SAXO5: variants seen among roughly 807,000 people sequenced by gnomAD.
The protein encoded by SAXO5 is stabilizer of axonemal microtubules 5.
the SAXO5 span, chr19:7,501,246 C>T: frequency 4.5e-6 from 7 of 1,565,424 alleles, no homozygotes; most frequent in Non-Finnish European, 6.0e-6. Flanking sequence ...GGCGCGCACC[C>T]GAGAGCGGAT....
the SAXO5 span, chr19:7,505,621 G>T: frequency 6.2e-7 from 1 of 1,614,022 alleles, no homozygotes; most frequent in South Asian, 1.1e-5. Context: ...GTACTTCTAC[G>T]GCCAGGTGAG....
At chr19:7,507,264 C>T in the SAXO5 span, 2 of 796,610 alleles carry the variant, frequency 2.5e-6, no homozygotes, top group African/African-American at 3.4e-5. Flanking sequence ...TCGGGGGCAT[C>T]TTAATATCCC....
chr19:7,505,093 C>T, the SAXO5 span, among the ~76,000 whole-genome samples: 1 of 151,734 alleles, frequency 6.6e-6, no homozygotes, highest in East Asian at 1.9e-4. Context: ...AAGCAATTCT[C>T]CTGCCTCAGC....
chr19:7,500,804 A>G, the SAXO5 span: 1 of 1,442,316 alleles, frequency 6.9e-7, no homozygotes, highest in South Asian at 1.5e-5. Flanking sequence ...ACCCTCTCGC[A>G]GGTGGCTGGT....
the SAXO5 span, chr19:7,500,913 G>C: frequency 6.9e-6 from 11 of 1,584,104 alleles, no homozygotes; most frequent in Middle Eastern, 1.7e-4. Flanking sequence ...GCTGGGGCCT[G>C]ACCTGCGGCT....
chr19:7,501,102 T>A, the SAXO5 span: 24,758 of 1,502,222 alleles, frequency 0.016, 283 homozygotes, highest in African/African-American at 0.024. Flanking sequence ...CACGCCGCCG[T>A]GGGAGCTGCT....
At chr19:7,501,362 C>A in the SAXO5 span, 14 of 1,522,100 alleles carry the variant, frequency 9.2e-6, no homozygotes, top group South Asian at 8.8e-5. Context: ...CACCCCACGA[C>A]GCGCGCCCGC....
the SAXO5 span, chr19:7,501,429 T>C: frequency 6.9e-7 from 1 of 1,455,076 alleles, no homozygotes; most frequent in Non-Finnish European, 9.0e-7. Flanking sequence ...GAGTGGGCGA[T>C]TTGCTTCACA....
At chr19:7,498,393 CTTTTT>C in the SAXO5 span, among the ~76,000 whole-genome samples, 3 of 115,352 alleles carry the variant, frequency 2.6e-5, no homozygotes, top group Non-Finnish European at 3.5e-5. Context: ...GTATTTTTTT[CTTTTT>C]TTTTTTTTTT....
the SAXO5 span, chr19:7,500,920 G>A: frequency 2.5e-6 from 4 of 1,583,064 alleles, no homozygotes; most frequent in African/African-American, 1.4e-5. Flanking sequence ...CCTGACCTGC[G>A]GCTGCACGAG....
the SAXO5 span, chr19:7,506,164 C>T: frequency 1.3e-6 from 2 of 1,594,208 alleles, no homozygotes; most frequent in Non-Finnish European, 1.7e-6. Context: ...GGGGCACGGG[C>T]GGTGAGCGCT....
At chr19:7,504,142 G>A in the SAXO5 span, 3 of 1,613,514 alleles carry the variant, frequency 1.9e-6, no homozygotes, top group East Asian at 2.2e-5. Flanking sequence ...ACCCTCAAGT[G>A]GGACTACACG....
the SAXO5 span, among the ~76,000 whole-genome samples, chr19:7,508,029 C>T: frequency 6.6e-6 from 1 of 152,230 alleles, no homozygotes; most frequent in Non-Finnish European, 1.5e-5. Flanking sequence ...TTTCCCTATC[C>T]TCTCTTACCC....
At chr19:7,499,966 G>GT in the SAXO5 span, 6 of 96,600 alleles carry the variant, frequency 6.2e-5, no homozygotes, top group Admixed American at 3.2e-4. Flanking sequence ...GTGTGTGTGT[G>GT]GAGACGGGGT....
the SAXO5 span, chr19:7,506,756 C>T: frequency 2.4e-6 from 1 of 419,994 alleles, no homozygotes; most frequent in Non-Finnish European, 4.4e-6. Flanking sequence ...CCCAGTTCCT[C>T]CCTCTTCCCC....
chr19:7,507,114 C>A, the SAXO5 span: 2 of 1,614,054 alleles, frequency 1.2e-6, no homozygotes, highest in African/African-American at 1.3e-5. Context: ...CACCTCCGGC[C>A]CCGGTGACTG....
the SAXO5 span, chr19:7,504,094 C>CTCTCTCTCTCTCA: frequency 6.6e-7 from 1 of 1,505,622 alleles, no homozygotes; most frequent in Non-Finnish European, 9.2e-7. Context: ...CTCTCTCTCT[C>CTCTCTCTCTCTCA]CCCCCATCCC....
chr19:7,505,922 C>G, the SAXO5 span: 20 of 1,530,270 alleles, frequency 1.3e-5, no homozygotes, highest in Non-Finnish European at 1.6e-5. Context: ...GCCCGGGGAC[C>G]TCTCGGACGC....
At chr19:7,504,423 C>T in the SAXO5 span, 1 of 1,604,818 alleles carries the variant, frequency 6.2e-7, no homozygotes, top group Non-Finnish European at 8.5e-7. Flanking sequence ...TATAAAGGGG[C>T]CACTGCGGGC....
Sources: allele counts gnomAD v4.1 joint callset (sites outside exome capture counted in the v4.1 genomes callset), GRCh38; gene constraint gnomAD v4.1.1; transcripts MANE v1.5; gene names NCBI Gene and HGNC (gene_info 2026-07-23, HGNC 2026-07-21).